The following MYOF variants were observed in gnomAD, a reference collection of about 807,000 sequenced individuals.
MYOF encodes the protein myoferlin, also known as fer-1-like 3, myoferlin.
MYOF carries 244 observed loss-of-function variants against 284.2 expected under a neutral mutation model. That is an observed-to-expected ratio of 0.86 (90% CI 0.77 to 0.95). The LOEUF is 0.95. MYOF is among the 40% of genes least tolerant of loss of function. The probability of loss-of-function intolerance (pLI) is 0.00; values close to 1 mark genes in which losing one functional copy is unlikely to be tolerated. For missense variants in MYOF, 2,496 were observed against 2,560.6 expected, an observed-to-expected ratio of 0.97 and a Z score of 0.54; for synonymous variants, 904 against 919.7, an observed-to-expected ratio of 0.98 and a Z score of 0.31.
chr10:93,309,434 T>A (rs1018630913), intron 53 of MYOF, among the ~76,000 whole-genome samples: 13 of 152,082 alleles, frequency 8.5e-5, no homozygotes, highest in African/African-American at 3.1e-4. Flanking sequence ...CTGGGGTGAT[T>A]AGGGGAACAT....
intron 17 of MYOF, among the ~76,000 whole-genome samples, chr10:93,389,753 T>C (rs1846585193): frequency 1.3e-5 from 2 of 152,244 alleles, no homozygotes; most frequent in Admixed American, 6.5e-5. Context: ...TCCTTATTTT[T>C]GCTACCTGGT....
At position 93,456,857 on chromosome 10, in the gene MYOF, A is replaced by G. The variant is rs368718984; in HGVS notation, c.144+25T>C. 8 of 1,553,358 alleles carry G rather than the reference A, an allele frequency of 5.2e-6. No individual in the cohort carries two copies. The African/African-American group carries it at 6.8e-5, about 13-fold the overall frequency. On this transcript the variant is annotated intron_variant, in intron 2 of 53. Transcript: ENST00000359263. ...TCAGAAATAGCTTATCTATTAAAAC[A>G]AAGTTGAAAAAACAATGAAGTCACC...
chr10:93,400,853 G>GTTTTTTTTTT (rs551007757), intron 12 of MYOF, among the ~76,000 whole-genome samples: 1 of 113,950 alleles, frequency 8.8e-6, no homozygotes, highest in African/African-American at 3.5e-5. Flanking sequence ...TGCTCAGCAT[G>GTTTTTTTTTT]TTTTTTTTTT....
At chr10:93,369,538 G>A in intron 25 of MYOF, 107 bp downstream of exon 25, 1 of 1,480,104 alleles carries the variant, frequency 6.8e-7, no homozygotes, top group Non-Finnish European at 9.2e-7. Context: ...GGATGGTAAG[G>A]AGGGCTGTGG....
intron 23 of MYOF, among the ~76,000 whole-genome samples, chr10:93,373,519 CTCT>C (rs1386334963): frequency 7.5e-6 from 1 of 133,266 alleles, no homozygotes; most frequent in Non-Finnish European, 1.6e-5. Flanking sequence ...TTTCAAAAAC[CTCT>C]TTTTTTATTA....
intron 36 of MYOF, 76 bp downstream of exon 36, chr10:93,349,732 T>TG (rs1844411439): frequency 6.6e-7 from 1 of 1,514,866 alleles, no homozygotes; most frequent in African/African-American, 1.4e-5. Context: ...AAACTCTGTG[T>TG]TTGTGTGTGT....
At chr10:93,480,702 C>T (rs2057368685) in intron 1 of MYOF, among the ~76,000 whole-genome samples, 1 of 152,026 alleles carries the variant, frequency 6.6e-6, no homozygotes, top group Non-Finnish European at 1.5e-5. Context: ...TCTCGAACTC[C>T]TGCCCTCATG....
rs1196462346 is a variant in MYOF, at chr10:93,328,713, A to G, written c.5131+50T>C. The stretch of plus-strand genomic sequence containing the variant: ...CACTCCCCCAAACCCAGCAATATAT[A>G]TGGGTTACTATACTTTGTACCAGTT... On this transcript the variant is annotated intron_variant, in intron 45 of 53. Coordinates refer to ENST00000359263, the MANE Select transcript of MYOF (RefSeq NM_013451.4). 9 of 1,555,930 alleles carry G rather than the reference A, an allele frequency of 5.8e-6. No individual in the cohort carries two copies. In the African/African-American group the frequency reaches 9.4e-5, roughly 16 times the overall value.
chr10:93,433,478 CTGT>C, intron 3 of MYOF, among the ~76,000 whole-genome samples: 1 of 125,708 alleles, frequency 8.0e-6, no homozygotes, highest in Admixed American at 7.9e-5. Context: ...GAATTTTTAA[CTGT>C]TACTTACTTA....
At chr10:93,442,573 T>C (rs527351193) in intron 3 of MYOF, among the ~76,000 whole-genome samples, 1 of 152,318 alleles carries the variant, frequency 6.6e-6, no homozygotes, top group Admixed American at 6.5e-5. Flanking sequence ...CTTCCTACAA[T>C]ACGGCAAAAC....
chr10:93,378,375 C>T (rs1270984429), intron 21 of MYOF, among the ~76,000 whole-genome samples: 1 of 152,044 alleles, frequency 6.6e-6, no homozygotes, highest in Non-Finnish European at 1.5e-5. Context: ...TCCACAAATG[C>T]CTTTGAGATG....
chr10:93,359,015 C>A (rs1019392493), intron 29 of MYOF, among the ~76,000 whole-genome samples: 1 of 151,972 alleles, frequency 6.6e-6, no homozygotes, highest in African/African-American at 2.4e-5. Flanking sequence ...GAGCATATTT[C>A]TGAGTTAGCA....
At chr10:93,431,387 A>G in intron 4 of MYOF, 21 bp downstream of exon 4, 1 of 1,603,562 alleles carries the variant, frequency 6.2e-7, no homozygotes, top group East Asian at 2.2e-5. Flanking sequence ...AAAGCCATTC[A>G]ATAAGAGAGA....
intron 36 of MYOF, among the ~76,000 whole-genome samples, chr10:93,349,552 G>A (rs933243257): frequency 6.6e-6 from 1 of 152,176 alleles, no homozygotes; most frequent in African/African-American, 2.4e-5. Flanking sequence ...CTGAATAGAT[G>A]GAAAGTTTAC....
chr10:93,412,225 T>C (rs1847925526), intron 5 of MYOF, among the ~76,000 whole-genome samples: 1 of 152,206 alleles, frequency 6.6e-6, no homozygotes, highest in African/African-American at 2.4e-5. Context: ...TAAAACTGGG[T>C]TTAAAACCAG....
intron 17 of MYOF, among the ~76,000 whole-genome samples, chr10:93,392,322 G>A (rs1846736112): frequency 6.6e-6 from 1 of 152,156 alleles, no homozygotes; most frequent in African/African-American, 2.4e-5. Flanking sequence ...GACAGATAAT[G>A]AACCTCTCTA....
At chr10:93,307,227 C>T (rs540467158) in intron 53 of MYOF, among the ~76,000 whole-genome samples, 24 of 152,038 alleles carry the variant, frequency 1.6e-4, no homozygotes, top group Non-Finnish European at 2.2e-4. Flanking sequence ...TGTCTCCAGA[C>T]GTTGGCAAAT....
At chr10:93,457,907 A>G (rs2056782482) in intron 1 of MYOF, among the ~76,000 whole-genome samples, 1 of 126,986 alleles carries the variant, frequency 7.9e-6, no homozygotes, top group South Asian at 2.7e-4. Context: ...TAATTTTTCT[A>G]TGTTTTTTTT....
chr10:93,410,668 C>G (rs1589526109), intron 5 of MYOF, among the ~76,000 whole-genome samples: 1 of 152,162 alleles, frequency 6.6e-6, no homozygotes, highest in East Asian at 1.9e-4. Context: ...TTTAGCTTTT[C>G]TTTTCTTAAT....
Sources: allele counts gnomAD v4.1 joint callset (sites outside exome capture counted in the v4.1 genomes callset), GRCh38; gene constraint gnomAD v4.1.1; transcripts MANE v1.5; gene names NCBI Gene and HGNC (gene_info 2026-07-23, HGNC 2026-07-21).